ZNF532: variants seen among roughly 807,000 people sequenced by gnomAD.
The protein encoded by ZNF532 is zinc finger protein 532.
In ZNF532, 22 loss-of-function variants were observed where a neutral mutation model predicts 89.3. That is an observed-to-expected ratio of 0.25 (90% confidence interval 0.18 to 0.35). The LOEUF (loss-of-function observed/expected upper bound fraction) is 0.35. ZNF532 is among the 10% of genes least tolerant of loss of function. The pLI is 1.00. For synonymous variants in ZNF532, 606 were observed against 649.6 expected (o/e 0.93, Z 1.02); for missense variants, 1,132 against 1,643.4 (o/e 0.69, Z 5.38).
intron 2 of ZNF532, among the ~76,000 whole-genome samples, chr18:58,888,799 T>TA (rs1555709344): frequency 0.022 from 1,019 of 47,152 alleles, 76 homozygotes; most frequent in African/African-American, 0.091. Context: ...TATATATAAT[T>TA]TATATATATA....
intron 7 of ZNF532, among the ~76,000 whole-genome samples, chr18:58,967,792 G>A (rs966503647): frequency 5.3e-5 from 8 of 152,144 alleles, no homozygotes; most frequent in Admixed American, 1.3e-4. Flanking sequence ...CTCTCACCAC[G>A]TTTTATTACT....
At chr18:58,932,650 G>A (rs761889626) in intron 3 of ZNF532, 1 of 152,096 alleles carries the variant, frequency 6.6e-6, no homozygotes, top group Non-Finnish European at 1.5e-5. Flanking sequence ...AGCCTTGGGC[G>A]AGTTTCTTAA....
chr18:58,920,657 T>C, intron 3 of ZNF532, 24 bp downstream of exon 3: 1 of 1,543,580 alleles, frequency 6.5e-7, no homozygotes, highest in Non-Finnish European at 8.7e-7. Flanking sequence ...TAAATTTTTG[T>C]GTTTCAGTGA....
At chr18:58,875,157 T>G (rs962643656) in intron 2 of ZNF532, among the ~76,000 whole-genome samples, 1 of 152,156 alleles carries the variant, frequency 6.6e-6, no homozygotes, top group Non-Finnish European at 1.5e-5. Context: ...CCCCCCTTTT[T>G]TTCTCTTTTT....
rs187622995 is a variant in ZNF532 at position 58,920,571 on chromosome 18, G to A, written c.2284G>A (p.Val762Ile). Reference protein sequence around the residue: ...HSLKCLECNEVFQDETSLATH... With the variant: ...HSLKCLECNEIFQDETSLATH... ...TCTAAAATGTTTGGAGTGTAATGAA[G>A]TCTTCCAGGACGAGACATCACTGGC... The change falls in exon 3 of 10, where the codon GTC (valine) becomes ATC (isoleucine). Residue 762 changes from valine (V) to isoleucine (I), a missense_variant. Around this residue, in one of 9 missense-constraint regions of ZNF532, gnomAD observed 100 missense variants for 122.0 expected, o/e 0.82. Transcript: ENST00000591808. 2.5e-6 allele frequency: 4 copies of A among 1,610,548 alleles called. No individual in the cohort carries two copies. Among genetic ancestry groups the A allele is most frequent in the Middle Eastern group, 1.7e-4 (1 of 6,046 alleles).
At chr18:58,874,881 C>T (rs1602511619) in intron 2 of ZNF532, among the ~76,000 whole-genome samples, 1 of 152,120 alleles carries the variant, frequency 6.6e-6, no homozygotes. Context: ...ATTCTGCACA[C>T]TGGGATTTGG....
chr18:58,973,635 G>A (rs904361925), intron 7 of ZNF532, among the ~76,000 whole-genome samples: 5 of 152,102 alleles, frequency 3.3e-5, no homozygotes, highest in African/African-American at 7.2e-5. Flanking sequence ...TAGTAATCCC[G>A]CTCCTGGGTA....
rs2068362389 is a variant in ZNF532, at chr18:58,986,074, A to G, written c.*1608A>G. The G allele has an allele frequency of 6.6e-6, 1 of 152,584 alleles. No homozygotes were observed. Among genetic ancestry groups the G allele is most frequent in the Non-Finnish European group, 1.5e-5 (1 of 68,028 alleles). The allele number at this position is 152,584 out of a possible 1,614,324, so 9.5% of individuals were successfully genotyped here. A position where few individuals can be genotyped will look rare whatever the true frequency, so the allele number is the denominator to read the frequency against. Reference sequence around the variant, plus strand: ...TTCTTCCCACTCAGAAGAATGGCATATTCGTTCTCATTAGTAATCAGCTAT... The same window carrying G: ...TTCTTCCCACTCAGAAGAATGGCATGTTCGTTCTCATTAGTAATCAGCTAT... On this transcript the variant is annotated 3_prime_UTR_variant, in exon 10 of 10. Coordinates refer to ENST00000591808, the MANE Select transcript of ZNF532 (RefSeq NM_001375912.1).
intron 2 of ZNF532, among the ~76,000 whole-genome samples, chr18:58,905,941 C>T (rs144594666): frequency 6.6e-6 from 1 of 152,132 alleles, no homozygotes; most frequent in East Asian, 1.9e-4. Context: ...GAGGTCCCAC[C>T]ATTGGGATTT....
At chr18:58,961,210 C>T (rs1349711968) in intron 7 of ZNF532, among the ~76,000 whole-genome samples, 2 of 152,194 alleles carry the variant, frequency 1.3e-5, no homozygotes, top group African/African-American at 2.4e-5. Flanking sequence ...TTGCATTTCT[C>T]ACAAGCCCTA....
intron 7 of ZNF532, among the ~76,000 whole-genome samples, chr18:58,967,663 C>T (rs904183473): frequency 2.6e-5 from 4 of 152,116 alleles, no homozygotes; most frequent in Admixed American, 6.6e-5. Context: ...AGTCGGAGCT[C>T]GGTAAATACC....
rs1329225335 is a variant in ZNF532, at chr18:58,946,935, C to T, written c.2706-1132C>T. Among the ~76,000 whole-genome samples the T allele has an allele frequency of 4.6e-5, 7 of 152,264 alleles. No homozygotes were observed. The East Asian group carries it at 9.7e-4, about 21-fold the overall frequency. ...GGTTTGAAGCTACATGGGAAGTCCT[C>T]TCTCAGGGCCCTGAGAGAGGGAAGG... On this transcript the variant is annotated intron_variant, in intron 5 of 9. Transcript: ENST00000591808.
intron 6 of ZNF532, among the ~76,000 whole-genome samples, chr18:58,951,652 T>TG (rs1555746584): frequency 7.1e-6 from 1 of 141,468 alleles, no homozygotes; most frequent in East Asian, 2.1e-4. Flanking sequence ...TGTTGTTTTT[T>TG]TTTTTTTTTT....
chr18:58,874,254 A>G (rs999848438), intron 2 of ZNF532, among the ~76,000 whole-genome samples: 4 of 152,222 alleles, frequency 2.6e-5, no homozygotes, highest in Non-Finnish European at 5.9e-5. Context: ...TGAAGTAGAC[A>G]CAAGGGTAGT....
intron 2 of ZNF532, among the ~76,000 whole-genome samples, chr18:58,890,199 AT>A (rs1404178136): frequency 6.6e-6 from 1 of 151,838 alleles, no homozygotes; most frequent in Non-Finnish European, 1.5e-5. Context: ...GTGAGCCGAG[AT>A]TTTGACACTG....
chr18:58,914,147 G>A (rs573603907), intron 2 of ZNF532, among the ~76,000 whole-genome samples: 1 of 152,198 alleles, frequency 6.6e-6, no homozygotes, highest in Admixed American at 6.5e-5. Flanking sequence ...TGCCAACAAA[G>A]ATGAAATAGC....
intron 2 of ZNF532, among the ~76,000 whole-genome samples, chr18:58,914,536 C>A (rs748057278): frequency 5.3e-5 from 8 of 152,104 alleles, no homozygotes; most frequent in Admixed American, 1.3e-4. Flanking sequence ...AAAAATTAGC[C>A]AGATGTGGTG....
intron 2 of ZNF532, among the ~76,000 whole-genome samples, chr18:58,891,555 C>T (rs2058906236): frequency 6.7e-6 from 1 of 148,658 alleles, no homozygotes; most frequent in South Asian, 2.3e-4. Flanking sequence ...ACCTGGGACG[C>T]TTGTACTTAC....
chr18:58,888,674 C>A (rs1231731774), intron 2 of ZNF532, among the ~76,000 whole-genome samples: 1 of 102,780 alleles, frequency 9.7e-6, no homozygotes, highest in Non-Finnish European at 1.8e-5. Context: ...GAAACTCTGT[C>A]TCCAAGGAAG....
Sources: gnomAD v4.1 joint callset for allele counts (sites outside exome capture counted in the v4.1 genomes callset) on GRCh38, gnomAD v4.1.1 for gene constraint, gnomAD v4.1.1 regional missense constraint, MANE v1.5 for transcripts, NCBI Gene and HGNC (gene_info 2026-07-23, HGNC 2026-07-21) for gene names.